Variants in HUWE1 observed in about 807,000 individuals in gnomAD.
The protein encoded by HUWE1 is E3 ubiquitin-protein ligase HUWE1.
Under a neutral mutation model 299.4 loss-of-function variants are expected in HUWE1, and 18 were observed. That is an observed-to-expected ratio of 0.06 (90% CI 0.04 to 0.09). The LOEUF (loss-of-function observed/expected upper bound fraction) is 0.09, where lower values mean the gene tolerates loss of function less well. Ranked by LOEUF, HUWE1 falls within the 10% of genes least tolerant of loss-of-function variation. The pLI, the probability that HUWE1 is intolerant of heterozygous loss-of-function variation, is 1.00. For synonymous variants in HUWE1, 1,317 were observed against 1,286.1 expected (o/e 1.02, Z -0.51); for missense variants, 1,832 against 3,462.3 (o/e 0.53, Z 11.82).
chrX:53,668,046 G>A (rs901108483), intron 3 of HUWE1, among the ~76,000 whole-genome samples: 7 of 110,951 alleles, frequency 6.3e-5, no homozygotes, highest in Non-Finnish European at 1.3e-4. Flanking sequence ...CAATAAAGAT[G>A]GTACCAGATA....
chrX:53,534,268 C>G (rs1346183325), intron 82 of HUWE1, 71 bp from the exon 83 acceptor site: 2 of 953,377 alleles, frequency 2.1e-6, no homozygotes, highest in African/African-American at 1.9e-5. Context: ...GGGATGGAAT[C>G]TAGGAAACAG....
intron 25 of HUWE1, among the ~76,000 whole-genome samples, chrX:53,605,683 T>A (rs1233023490): frequency 1.8e-5 from 2 of 111,992 alleles, no homozygotes; most frequent in Non-Finnish European, 3.8e-5. Flanking sequence ...AAATCCCTTC[T>A]AAAATTTATA....
intron 67 of HUWE1, 64 bp downstream of exon 67, chrX:53,548,895 C>CT (rs2147243488): frequency 9.9e-7 from 1 of 1,008,775 alleles, no homozygotes; most frequent in African/African-American, 1.9e-5. Flanking sequence ...TAGTGTTCAA[C>CT]TTTCACCCAG....
intron 53 of HUWE1, among the ~76,000 whole-genome samples, 166 bp from the exon 54 acceptor site, chrX:53,562,410 G>T (rs1250695011): frequency 1.8e-5 from 2 of 111,227 alleles, no homozygotes; most frequent in African/African-American, 3.3e-5. Context: ...CCGATTTCCT[G>T]AGAGTGCCAA....
At chrX:53,665,144 T>C (rs1209153585) in intron 3 of HUWE1, among the ~76,000 whole-genome samples, 1 of 111,209 alleles carries the variant, frequency 9.0e-6, no homozygotes, top group Non-Finnish European at 1.9e-5. Context: ...ACAGCCCACC[T>C]TGCTACGCCC....
intron 47 of HUWE1, among the ~76,000 whole-genome samples, chrX:53,571,406 G>A (rs1174053903): frequency 1.8e-5 from 2 of 111,683 alleles, no homozygotes; most frequent in Non-Finnish European, 3.8e-5. Context: ...GAGGCCAGAA[G>A]TTTGAGACCA....
chrX:53,630,514 A>G (rs1464507847), intron 12 of HUWE1, among the ~76,000 whole-genome samples: 1 of 110,854 alleles, frequency 9.0e-6, no homozygotes, highest in African/African-American at 3.3e-5. Context: ...TTTCCATTTT[A>G]CTGTGCCACA....
At chrX:53,660,308 G>A (rs781820993) in intron 3 of HUWE1, among the ~76,000 whole-genome samples, 2 of 111,894 alleles carry the variant, frequency 1.8e-5, no homozygotes, top group South Asian at 3.7e-4. Context: ...CATGAGTGGC[G>A]CTAGACTCTA....
chrX:53,559,996 TA>T (rs1489576480), intron 56 of HUWE1, among the ~76,000 whole-genome samples, 191 bp downstream of exon 56: 1 of 112,274 alleles, frequency 8.9e-6, no homozygotes, highest in African/African-American at 3.3e-5. Flanking sequence ...CATAATTTGG[TA>T]TTCCCCAAAA....
At chrX:53,650,927 C>G (rs957184879) in intron 4 of HUWE1, among the ~76,000 whole-genome samples, 1 of 111,788 alleles carries the variant, frequency 8.9e-6, no homozygotes, top group South Asian at 3.8e-4. Context: ...CAACCCCTTA[C>G]AATCCACTAG....
chrX:53,577,467 A>C (rs1266939178), intron 43 of HUWE1, among the ~76,000 whole-genome samples: 3 of 99,088 alleles, frequency 3.0e-5, no homozygotes, highest in East Asian at 3.2e-4. Context: ...TAAAAAAAAA[A>C]AAAAAAAAAC....
intron 7 of HUWE1, among the ~76,000 whole-genome samples, chrX:53,644,046 A>C (rs1270957695): frequency 9.0e-6 from 1 of 110,967 alleles, no homozygotes; most frequent in Non-Finnish European, 1.9e-5. Flanking sequence ...CTGGTCTCAA[A>C]CTCCTGGGCT....
rs1556988964 is a variant in HUWE1, at chrX:53,600,235, C to T, written c.3046G>A (p.Gly1016Ser). The T allele has an allele frequency of 8.3e-7, 1 of 1,209,089 alleles. No individual in the cohort carries two copies. The part of the protein sequence containing the change: ...QGLLEGIGLD[G>S]DTLAPMETDE... ...GTCTCCATGGGAGCCAATGTGTCACCATCTAGCCCAATGCCTTCTAATAAG... is the reference window on the plus strand; with the variant it reads ...GTCTCCATGGGAGCCAATGTGTCACTATCTAGCCCAATGCCTTCTAATAAG... Residue 1016 changes from glycine to serine, a missense_variant, in exon 29 of 84, where the codon GGT (glycine) becomes AGT (serine). Physicochemically the swap from Gly to Ser is moderately conservative, Grantham distance 56 (BLOSUM62 0). Around this residue, in one of 15 missense-constraint regions of HUWE1, gnomAD observed 658 missense variants for 1,282.6 expected, o/e 0.51. Coordinates refer to ENST00000262854, the MANE Select transcript of HUWE1 (RefSeq NM_031407.7).
chrX:53,674,160 G>C (rs988465579), intron 3 of HUWE1, among the ~76,000 whole-genome samples: 1 of 111,359 alleles, frequency 9.0e-6, no homozygotes, highest in Non-Finnish European at 1.9e-5. Context: ...ACCATTTCTT[G>C]TTAGTGGACG....
At chrX:53,546,067 G>A (rs2061527331) in intron 70 of HUWE1, among the ~76,000 whole-genome samples, 1 of 112,118 alleles carries the variant, frequency 8.9e-6, no homozygotes, top group Non-Finnish European at 1.9e-5. Context: ...GCTGAATGCA[G>A]TGTAGGGACA....
chrX:53,643,686 C>G (rs2067770495), intron 7 of HUWE1, among the ~76,000 whole-genome samples: 1 of 112,010 alleles, frequency 8.9e-6, no homozygotes, highest in South Asian at 3.7e-4. Flanking sequence ...GCTATTAATA[C>G]ATGGAAGAGC....
chrX:53,555,912 G>T (rs1556934203), intron 60 of HUWE1, among the ~76,000 whole-genome samples: 3 of 111,627 alleles, frequency 2.7e-5, no homozygotes, highest in Non-Finnish European at 3.8e-5. Flanking sequence ...AAAAATGCTG[G>T]GATTACAGGC....
intron 60 of HUWE1, among the ~76,000 whole-genome samples, chrX:53,555,287 C>G (rs1209740722): frequency 8.9e-6 from 1 of 112,015 alleles, no homozygotes; most frequent in Non-Finnish European, 1.9e-5. Flanking sequence ...CCTCCCACTT[C>G]ATCTATTTGG....
At chrX:53,576,839 G>C in intron 44 of HUWE1, 61 bp downstream of exon 44, 1 of 1,156,175 alleles carries the variant, frequency 8.6e-7, no homozygotes, top group Non-Finnish European at 1.2e-6. Context: ...TGGCTGAAAT[G>C]ACCCAGGCAA....
Sources: allele counts gnomAD v4.1 joint callset (sites outside exome capture counted in the v4.1 genomes callset), GRCh38; gene constraint gnomAD v4.1.1; regional missense constraint gnomAD v4.1.1; transcripts MANE v1.5; gene names NCBI Gene and HGNC (gene_info 2026-07-23, HGNC 2026-07-21).